Variants in TMEM233 observed in about 807,000 individuals in gnomAD.
The protein encoded by TMEM233 is dispanin subfamily B member 2.
TMEM233 carries 6 observed loss-of-function variants against 11.2 expected under a neutral mutation model. The ratio of observed to expected loss-of-function variants is 0.54; its 90% confidence interval spans 0.29 to 1.06. The LOEUF is 1.06. Ranked by LOEUF, TMEM233 falls within the 50% of genes least tolerant of loss-of-function variation. The pLI is 0.08. For missense variants in TMEM233, 127 were observed against 144.7 expected, an observed-to-expected ratio of 0.88 and a Z score of 0.63; for synonymous variants, 59 against 55.8, an observed-to-expected ratio of 1.06 and a Z score of -0.26.
At chr12:119,597,056 G>GAT (rs997504970) in intron 1 of TMEM233, among the ~76,000 whole-genome samples, 3 of 152,136 alleles carry the variant, frequency 2.0e-5, no homozygotes, top group African/African-American at 7.2e-5. Context: ...TTTTCCCATT[G>GAT]ATATATAGTG....
intron 1 of TMEM233, 84 bp from the exon 2 acceptor site, chr12:119,629,652 C>G (rs1954837152): frequency 1.4e-6 from 2 of 1,400,848 alleles, no homozygotes; most frequent in Non-Finnish European, 9.5e-7. Flanking sequence ...CTCTTGGAAC[C>G]TTTTCATCAG....
the TMEM233 span, among the ~76,000 whole-genome samples, chr12:119,651,822 T>C: frequency 1.8e-5 from 1 of 54,728 alleles, no homozygotes; most frequent in Admixed American, 2.8e-4. Flanking sequence ...TGAGACTCCG[T>C]CTCAAAAAAA....
At chr12:119,637,967 T>C (rs1329663863) in intron 2 of TMEM233, among the ~76,000 whole-genome samples, 1 of 152,168 alleles carries the variant, frequency 6.6e-6, no homozygotes, top group Non-Finnish European at 1.5e-5. Flanking sequence ...AATTTGACAC[T>C]ATACTGGTGG....
Position 119,641,778 on chromosome 12 carries a change from G to C in TMEM233, c.*1073G>C, listed in dbSNP as rs1955086621. ...ACATTAAGTAATACCAAATCACAAA[G>C]AATGTTTCCCCTTTTCTATTCTTTT... On this transcript the variant is annotated 3_prime_UTR_variant, in exon 3 of 3. Transcript: ENST00000426426. 1 of 152,132 alleles carries C rather than the reference G, an allele frequency of 6.6e-6. No individual in the cohort carries two copies. The highest frequency in any genetic ancestry group is 2.1e-4 in the South Asian group (1 of 4,824). 9.4% of individuals were successfully genotyped at this position (152,132 alleles called of 1,614,324 possible). A position where few individuals can be genotyped will look rare whatever the true frequency, so the allele number is the denominator to read the frequency against.
intron 1 of TMEM233, among the ~76,000 whole-genome samples, chr12:119,626,600 A>G (rs1292916236): frequency 8.2e-5 from 12 of 145,836 alleles, no homozygotes; most frequent in South Asian, 6.7e-4. Context: ...AGAAGAGAAA[A>G]AAGAAAAGAA....
chr12:119,597,564 GTAGGTGC>G (rs991935796), intron 1 of TMEM233, among the ~76,000 whole-genome samples: 2 of 151,982 alleles, frequency 1.3e-5, no homozygotes, highest in African/African-American at 4.8e-5. Flanking sequence ...CCAAATTAGA[GTAGGTGC>G]TGGCAAAGAA....
At chr12:119,621,507 AG>A (rs1171122999) in intron 1 of TMEM233, among the ~76,000 whole-genome samples, 1 of 61,536 alleles carries the variant, frequency 1.6e-5, no homozygotes, top group Admixed American at 1.6e-4. Context: ...GAACAAAGAG[AG>A]AAAAAAAAAA....
Position 119,604,958 on chromosome 12 carries a change from C to T in TMEM233, c.186+10924C>T, listed in dbSNP as rs550624602. ...AAGTTAGGTGTTTTTAATGAGTCTC[C>T]GTAGCCAAACTTTTGCTAATTTCCT... is the stretch of plus-strand genomic sequence containing the variant. On this transcript the variant is annotated intron_variant, in intron 1 of 2. Coordinates refer to ENST00000426426, the MANE Select transcript of TMEM233 (RefSeq NM_001136534.3). Among the ~76,000 whole-genome samples the T allele has an allele frequency of 5.3e-5, 8 of 151,088 alleles. No homozygotes were observed. In the South Asian group the frequency reaches 6.3e-4, roughly 12 times the overall value.
chr12:119,651,677 A>T, the TMEM233 span, among the ~76,000 whole-genome samples: 5 of 139,508 alleles, frequency 3.6e-5, no homozygotes, highest in African/African-American at 1.4e-4. Context: ...AAAAAAAAAA[A>T]TTAGCTGGAT....
At chr12:119,631,094 C>G (rs905379466) in intron 2 of TMEM233, 3 of 152,192 alleles carry the variant, frequency 2.0e-5, no homozygotes, top group Non-Finnish European at 4.4e-5. Flanking sequence ...CAACTCAGAC[C>G]CAGAAATGAC....
chr12:119,613,970 G>A (rs1362413674), intron 1 of TMEM233, among the ~76,000 whole-genome samples: 1 of 151,918 alleles, frequency 6.6e-6, no homozygotes, highest in Non-Finnish European at 1.5e-5. Flanking sequence ...AGGAAACGGG[G>A]AGACAGTGAG....
intron 1 of TMEM233, among the ~76,000 whole-genome samples, chr12:119,615,880 G>A (rs1028254637): frequency 1.3e-5 from 2 of 152,118 alleles, no homozygotes; most frequent in Non-Finnish European, 2.9e-5. Flanking sequence ...TCTTTGAGGT[G>A]TGGATGCCAG....
intron 2 of TMEM233, 39 bp from the exon 3 acceptor site, chr12:119,640,660 C>G: frequency 6.5e-7 from 1 of 1,548,450 alleles, no homozygotes. Flanking sequence ...AAGCTCAGCC[C>G]ACGGTCTTTC....
intron 1 of TMEM233, among the ~76,000 whole-genome samples, chr12:119,610,501 T>C (rs139742217): frequency 2.4e-4 from 37 of 152,294 alleles, no homozygotes; most frequent in Admixed American, 3.9e-4. Flanking sequence ...TCATCTTGAA[T>C]TGCAGTTTCC....
At chr12:119,621,848 G>A (rs954489373) in intron 1 of TMEM233, among the ~76,000 whole-genome samples, 1 of 152,148 alleles carries the variant, frequency 6.6e-6, no homozygotes, top group Non-Finnish European at 1.5e-5. Flanking sequence ...CCTTCAAAAA[G>A]ACCAGCTAGC....
Position 119,629,733 on chromosome 12 carries a change from C to T in TMEM233, c.187-3C>T, listed in dbSNP as rs116350058. ...TCACCAGCTCTTCCCTTCTGTCCCC[C>T]AGTCTCTGAACAGCTACAACGATGG... On this transcript the variant is annotated splice_polypyrimidine_tract_variant and splice_region_variant and intron_variant, in intron 1 of 2. Transcript: ENST00000426426. The T allele has an allele frequency of 1.2e-3, 1,839 of 1,549,534 alleles. 15 individuals carry two copies. In the African/African-American group the frequency reaches 0.023, roughly 20 times the overall value.
chr12:119,629,281 G>C (rs1286567538), intron 1 of TMEM233, among the ~76,000 whole-genome samples: 1 of 152,108 alleles, frequency 6.6e-6, no homozygotes, highest in Non-Finnish European at 1.5e-5. Flanking sequence ...GTGGTGGCGG[G>C]CACCTGTAAT....
chr12:119,630,287 G>A (rs1165896127), intron 2 of TMEM233, among the ~76,000 whole-genome samples: 1 of 152,180 alleles, frequency 6.6e-6, no homozygotes, highest in Non-Finnish European at 1.5e-5. Flanking sequence ...CAACAATATG[G>A]ATCCATTACA....
At chr12:119,600,105 T>C (rs1453192621) in intron 1 of TMEM233, among the ~76,000 whole-genome samples, 1 of 151,786 alleles carries the variant, frequency 6.6e-6, no homozygotes, top group African/African-American at 2.4e-5. Context: ...AAGCAGCTTT[T>C]CAGTGTCTCA....
Sources: gnomAD v4.1 joint callset for allele counts (sites outside exome capture counted in the v4.1 genomes callset) on GRCh38, gnomAD v4.1.1 for gene constraint, MANE v1.5 for transcripts, NCBI Gene and HGNC (gene_info 2026-07-23, HGNC 2026-07-21) for gene names.